Variants in PTCHD4 observed in about 807,000 individuals in gnomAD.
PTCHD4 encodes the protein patched domain containing 4, also known as patched domain-containing protein 4.
PTCHD4 carries 33 observed loss-of-function variants against 58.1 expected under a neutral mutation model. That is an observed-to-expected ratio of 0.57 (90% confidence interval 0.43 to 0.76). The LOEUF (loss-of-function observed/expected upper bound fraction) is 0.76, where lower values mean the gene tolerates loss of function less well. Among genes scored for constraint, PTCHD4 ranks in the 30% least tolerant of loss-of-function variants. PTCHD4 has a pLI of 0.00. For synonymous variants in PTCHD4, 478 were observed against 409.6 expected (o/e 1.17, Z -2.02); for missense variants, 1,058 against 1,027.1 (o/e 1.03, Z -0.41).
At chr6:47,983,317 G>A (rs1767951716) in intron 4 of PTCHD4, among the ~76,000 whole-genome samples, 1 of 152,018 alleles carries the variant, frequency 6.6e-6, no homozygotes, top group South Asian at 2.1e-4. Flanking sequence ...AGTTTTAATG[G>A]TGCCTTGTAA....
At chr6:47,920,655 T>C (rs1478946079) in intron 4 of PTCHD4, among the ~76,000 whole-genome samples, 1 of 152,190 alleles carries the variant, frequency 6.6e-6, no homozygotes, top group Non-Finnish European at 1.5e-5. Context: ...CATTGTCTAC[T>C]GCTTTGCTCC....
At chr6:47,907,210 T>G (rs1406069344) in intron 4 of PTCHD4, among the ~76,000 whole-genome samples, 1 of 152,182 alleles carries the variant, frequency 6.6e-6, no homozygotes, top group Non-Finnish European at 1.5e-5. Flanking sequence ...ACTGTTTGCC[T>G]CCTCATGAGA....
intron 1 of PTCHD4, among the ~76,000 whole-genome samples, chr6:48,107,014 A>G (rs1253841588): frequency 2.0e-5 from 3 of 152,128 alleles, no homozygotes; most frequent in African/African-American, 7.2e-5. Context: ...TCGTGAAAAT[A>G]GCCATACTGC....
intron 1 of PTCHD4, among the ~76,000 whole-genome samples, chr6:48,103,563 G>A (rs911140710): frequency 6.6e-5 from 10 of 152,174 alleles, no homozygotes; most frequent in East Asian, 1.9e-4. Context: ...CCAAAGGAAC[G>A]CAGCTCCTCA....
intron 4 of PTCHD4, among the ~76,000 whole-genome samples, chr6:47,917,833 T>A (rs905033532): frequency 5.3e-5 from 8 of 152,138 alleles, no homozygotes; most frequent in African/African-American, 1.9e-4. Context: ...AAATTCCAAG[T>A]AGCAAGATGA....
At chr6:47,883,386 GAA>G (rs200013236) in intron 4 of PTCHD4, among the ~76,000 whole-genome samples, 1 of 152,228 alleles carries the variant, frequency 6.6e-6, no homozygotes, top group East Asian at 1.9e-4. Context: ...ATAAAGAAGA[GAA>G]TATGTCAGAG....
At chr6:47,969,085 TG>T in intron 4 of PTCHD4, among the ~76,000 whole-genome samples, 1 of 152,222 alleles carries the variant, frequency 6.6e-6, no homozygotes, top group Non-Finnish European at 1.5e-5. Context: ...CTAAAATTCT[TG>T]CTTTAAAAAA....
chr6:48,018,894 T>A (rs1019121452), intron 3 of PTCHD4, among the ~76,000 whole-genome samples: 5 of 152,144 alleles, frequency 3.3e-5, no homozygotes, highest in Non-Finnish European at 7.4e-5. Flanking sequence ...ATGTATAATG[T>A]CCCCCTTCAG....
rs1763433214 is a variant in PTCHD4, at chr6:47,861,825, CT to C, written c.*16477del. 6.6e-6 allele frequency among the ~76,000 whole-genome samples: 1 copy of C among 151,884 alleles called. No individual in the cohort carries two copies. The highest frequency in any genetic ancestry group is 1.5e-5 in the Non-Finnish European group (1 of 67,882). Reference sequence around the variant, plus strand: ...GAACTGCTTTGTCCCTCACACAGGACTTTGTACATCACTTGGCACATTATAG... The same window carrying C: ...GAACTGCTTTGTCCCTCACACAGGACTTGTACATCACTTGGCACATTATAG... On this transcript the variant is annotated 3_prime_UTR_variant, in exon 5 of 5. Coordinates refer to ENST00000339488, the MANE Select transcript of PTCHD4 (RefSeq NM_001384253.1).
At chr6:48,046,904 A>G (rs1764054055) in intron 3 of PTCHD4, among the ~76,000 whole-genome samples, 1 of 151,852 alleles carries the variant, frequency 6.6e-6, no homozygotes, top group Non-Finnish European at 1.5e-5. Flanking sequence ...TTATATTCCT[A>G]ACTTCTAAAT....
chr6:48,018,341 ATT>A (rs908372543), intron 3 of PTCHD4, among the ~76,000 whole-genome samples: 13 of 152,218 alleles, frequency 8.5e-5, no homozygotes, highest in South Asian at 2.1e-4. Context: ...ATAGTTAATG[ATT>A]CATTGGTGGT....
intron 4 of PTCHD4, among the ~76,000 whole-genome samples, chr6:47,992,483 A>G (rs1436284943): frequency 1.3e-5 from 2 of 152,150 alleles, no homozygotes; most frequent in South Asian, 2.1e-4. Context: ...GTATTGTTCT[A>G]TTTCTTCCTT....
At chr6:48,095,746 AAC>A (rs1491287455) in intron 1 of PTCHD4, among the ~76,000 whole-genome samples, 1 of 151,736 alleles carries the variant, frequency 6.6e-6, no homozygotes, top group Non-Finnish European at 1.5e-5. Context: ...AAAAAAAAAA[AAC>A]AAATATAACT....
At chr6:47,963,646 T>C (rs987165123) in intron 4 of PTCHD4, among the ~76,000 whole-genome samples, 4 of 152,166 alleles carry the variant, frequency 2.6e-5, no homozygotes, top group African/African-American at 9.7e-5. Context: ...TGATATACTA[T>C]TCAGCCTTGA....
chr6:48,018,489 T>A (rs115322888), intron 3 of PTCHD4, among the ~76,000 whole-genome samples: 2,734 of 152,350 alleles, frequency 0.018, 42 homozygotes, highest in Non-Finnish European at 0.028. Flanking sequence ...TATCTTCTTC[T>A]GAGGCTAGAC....
rs1765030206 is a variant in PTCHD4, at chr6:48,074,677, T to G, written c.-969-4751A>C. ...GAGTTTATGCAGAGTTTGTTTTGTT[T>G]TGTTTTGTTTTGTTTTAAACCAGTT... On this transcript the variant is annotated intron_variant, in intron 1 of 4. Transcript: ENST00000339488. Among the ~76,000 whole-genome samples, 5 of 152,314 alleles carry G rather than the reference T, an allele frequency of 3.3e-5. 1 individual carries two copies. The South Asian group carries it at 8.3e-4, about 25-fold the overall frequency.
At chr6:47,921,839 G>T (rs912848288) in intron 4 of PTCHD4, among the ~76,000 whole-genome samples, 2 of 151,688 alleles carry the variant, frequency 1.3e-5, no homozygotes, top group Admixed American at 1.3e-4. Flanking sequence ...AGCAAAATAG[G>T]GTGGCTCATG....
rs1763369150 is a variant in PTCHD4 at position 47,859,428 on chromosome 6, A to G, written c.*18875T>C. Among the ~76,000 whole-genome samples, 1 of 152,058 alleles carries G rather than the reference A, an allele frequency of 6.6e-6. No individual in the cohort carries two copies. The highest frequency in any genetic ancestry group is 2.4e-5 in the African/African-American group (1 of 41,444). ...TCATGGGCAAACAACTTTCAAATGT[A>G]TCAGTAAGTTTACCTTAAAATGACT... On this transcript the variant is annotated 3_prime_UTR_variant, in exon 5 of 5. Coordinates refer to ENST00000339488, the MANE Select transcript of PTCHD4 (RefSeq NM_001384253.1).
chr6:48,024,415 A>C (rs1046408875), intron 3 of PTCHD4, among the ~76,000 whole-genome samples: 1 of 152,150 alleles, frequency 6.6e-6, no homozygotes, highest in African/African-American at 2.4e-5. Context: ...CTCTTAGGTC[A>C]ACACATGTTT....
Sources: allele counts gnomAD v4.1 joint callset (sites outside exome capture counted in the v4.1 genomes callset), GRCh38; gene constraint gnomAD v4.1.1; transcripts MANE v1.5; gene names NCBI Gene and HGNC (gene_info 2026-07-23, HGNC 2026-07-21).